The following RAB43 variants were observed in gnomAD, a reference collection of about 807,000 sequenced individuals.
The protein encoded by RAB43 is RAB43, member RAS oncogene family, also known as ras-related protein Rab-43.
In RAB43, 6 loss-of-function variants were observed where a neutral mutation model predicts 18.8. The observed-to-expected ratio is 0.32, with a 90% CI of 0.17 to 0.63. The LOEUF (loss-of-function observed/expected upper bound fraction) is 0.63, where lower values mean the gene tolerates loss of function less well. Among genes scored for constraint, RAB43 ranks in the 30% least tolerant of loss-of-function variants. The pLI, the probability that RAB43 is intolerant of heterozygous loss-of-function variation, is 0.79. For synonymous variants in RAB43, 103 were observed against 124.1 expected (o/e 0.83, Z 1.13); for missense variants, 195 against 289.1 (o/e 0.67, Z 2.36).
At position 129,089,328 on chromosome 3, in the gene RAB43, G is replaced by GGCA. The variant is rs1247789361; in HGVS notation, c.*1767_*1768insTGC. On this transcript the variant is annotated 3_prime_UTR_variant, in exon 3 of 3. Coordinates refer to ENST00000315150, the MANE Select transcript of RAB43 (RefSeq NM_198490.3). ...GCCAGGCACTGTCTGCCCTGCAAGG[G>GGCA]GAGCCCAGGCACTGCAGTGGAGGCG... is the stretch of plus-strand genomic sequence containing the variant. 1.8e-5 allele frequency: 2 copies of GGCA among 111,168 alleles called. No homozygotes were observed. The highest frequency in any genetic ancestry group is 7.1e-5 in the African/African-American group (2 of 28,288). The allele number at this position is 111,168 out of a possible 1,614,324, so 6.9% of individuals were successfully genotyped here. A position where few individuals can be genotyped will look rare whatever the true frequency, so the allele number is the denominator to read the frequency against.
At chr3:129,120,327 C>G (rs1935824789) in intron 1 of RAB43, among the ~76,000 whole-genome samples, 1 of 152,208 alleles carries the variant, frequency 6.6e-6, no homozygotes, top group Non-Finnish European at 1.5e-5. Context: ...CCAGCAGCAG[C>G]AAGGCTCCAG....
intron 2 of RAB43, among the ~76,000 whole-genome samples, chr3:129,092,141 G>A (rs559031654): frequency 6.6e-6 from 1 of 151,470 alleles, no homozygotes; most frequent in East Asian, 1.9e-4. Context: ...GTTTCAAAGT[G>A]TGAAACTTAT....
chr3:129,103,866 A>G (rs1404068307), intron 1 of RAB43, among the ~76,000 whole-genome samples: 1 of 152,146 alleles, frequency 6.6e-6, no homozygotes, highest in Non-Finnish European at 1.5e-5. Context: ...CACCTGGCCA[A>G]GAGGCCTTTC....
intron 1 of RAB43, among the ~76,000 whole-genome samples, chr3:129,115,485 CAA>C (rs940350686): frequency 9.2e-4 from 140 of 151,448 alleles, no homozygotes; most frequent in African/African-American, 3.2e-3. Context: ...GCCTGGGCAA[CAA>C]GAGCGAAACC....
chr3:129,116,145 G>A (rs1319805570), intron 1 of RAB43, among the ~76,000 whole-genome samples: 1 of 152,168 alleles, frequency 6.6e-6, no homozygotes, highest in Non-Finnish European at 1.5e-5. Flanking sequence ...GTATGTATAA[G>A]ACAAAACATA....
intron 2 of RAB43, 149 bp from the exon 3 acceptor site, chr3:129,091,495 A>C (rs1405214531): frequency 1.7e-5 from 19 of 1,130,788 alleles, no homozygotes; most frequent in Non-Finnish European, 2.3e-5. Context: ...TCTTTAAAAA[A>C]CCTTTTTTAG....
At chr3:129,115,911 C>T (rs1398043779) in intron 1 of RAB43, among the ~76,000 whole-genome samples, 4 of 152,200 alleles carry the variant, frequency 2.6e-5, no homozygotes, top group South Asian at 2.1e-4. Flanking sequence ...TGAAATCTCA[C>T]GCCATCCTGC....
At chr3:129,117,690 G>A (rs1304456308) in intron 1 of RAB43, among the ~76,000 whole-genome samples, 1 of 152,142 alleles carries the variant, frequency 6.6e-6, no homozygotes, top group Non-Finnish European at 1.5e-5. Context: ...GGCCACAACT[G>A]CATTTTTATT....
intron 1 of RAB43, among the ~76,000 whole-genome samples, chr3:129,110,066 T>A (rs1368141846): frequency 6.6e-6 from 1 of 152,002 alleles, no homozygotes; most frequent in African/African-American, 2.4e-5. Flanking sequence ...GTTCTCCCCA[T>A]GTTGCCCAGG....
intron 1 of RAB43, among the ~76,000 whole-genome samples, chr3:129,117,967 C>T (rs1378716294): frequency 6.6e-6 from 1 of 152,206 alleles, no homozygotes; most frequent in Non-Finnish European, 1.5e-5. Flanking sequence ...CAGAAAAAAA[C>T]AGTTAATTTG....
intron 1 of RAB43, among the ~76,000 whole-genome samples, chr3:129,096,661 A>C (rs1362842268): frequency 6.6e-6 from 1 of 152,258 alleles, no homozygotes; most frequent in Non-Finnish European, 1.5e-5. Context: ...CAAGGAAAGA[A>C]TAGTATCTTT....
intron 1 of RAB43, among the ~76,000 whole-genome samples, chr3:129,113,810 C>A (rs1007462193): frequency 6.6e-6 from 1 of 152,090 alleles, no homozygotes; most frequent in Non-Finnish European, 1.5e-5. Context: ...AGGCAGATCA[C>A]GAGGTCAAGG....
intron 1 of RAB43, among the ~76,000 whole-genome samples, chr3:129,117,530 T>C (rs1233530338): frequency 6.6e-6 from 1 of 152,216 alleles, no homozygotes; most frequent in Non-Finnish European, 1.5e-5. Flanking sequence ...ATACAAAGCC[T>C]TACTGACTCG....
intron 1 of RAB43, among the ~76,000 whole-genome samples, chr3:129,108,826 C>T (rs1427538485): frequency 1.3e-5 from 2 of 152,156 alleles, no homozygotes; most frequent in Non-Finnish European, 2.9e-5. Flanking sequence ...GTAAACACCA[C>T]CCTAACCAGG....
At chr3:129,115,761 C>T (rs1157836465) in intron 1 of RAB43, among the ~76,000 whole-genome samples, 2 of 151,924 alleles carry the variant, frequency 1.3e-5, no homozygotes, top group Non-Finnish European at 2.9e-5. Flanking sequence ...GTGGAGGTTC[C>T]AGTGAGCCGA....
chr3:129,111,832 A>T (rs1366129523), intron 1 of RAB43, among the ~76,000 whole-genome samples: 2 of 152,236 alleles, frequency 1.3e-5, no homozygotes, highest in African/African-American at 2.4e-5. Flanking sequence ...TATTGAAAAA[A>T]ATATATAAAC....
At chr3:129,099,463 C>T (rs1241471119) in intron 1 of RAB43, among the ~76,000 whole-genome samples, 4 of 151,126 alleles carry the variant, frequency 2.6e-5, no homozygotes, top group East Asian at 2.0e-4. Flanking sequence ...CTTCGCTCAC[C>T]GCAACCTCCG....
intron 1 of RAB43, among the ~76,000 whole-genome samples, chr3:129,120,137 A>T (rs1935812815): frequency 6.6e-6 from 1 of 152,208 alleles, no homozygotes; most frequent in South Asian, 2.1e-4. Context: ...TCCCCGTCAC[A>T]TCTACTGAGA....
At chr3:129,096,357 T>C (rs1226088579) in intron 1 of RAB43, among the ~76,000 whole-genome samples, 1 of 152,256 alleles carries the variant, frequency 6.6e-6, no homozygotes, top group East Asian at 1.9e-4. Flanking sequence ...TCCTCTTTCC[T>C]GAGTTGTCCC....
Sources: gnomAD v4.1 joint callset for allele counts (sites outside exome capture counted in the v4.1 genomes callset) on GRCh38, gnomAD v4.1.1 for gene constraint, MANE v1.5 for transcripts, NCBI Gene and HGNC (gene_info 2026-07-23, HGNC 2026-07-21) for gene names.